AHI1: variants seen among roughly 807,000 people sequenced by gnomAD.
AHI1 encodes jouberin.
In AHI1, 123 loss-of-function variants were observed where a neutral mutation model predicts 149.3. The observed-to-expected ratio is 0.82, with a 90% CI of 0.71 to 0.96. AHI1 has a LOEUF of 0.96. Ranked by LOEUF, AHI1 falls within the 40% of genes least tolerant of loss-of-function variation. AHI1 has a pLI of 0.00. For missense variants in AHI1, 1,439 were observed against 1,422.7 expected (o/e 1.01, Z -0.18); for synonymous variants, 475 against 459.8 (o/e 1.03, Z -0.42).
intron 23 of AHI1, among the ~76,000 whole-genome samples, chr6:135,364,284 T>C (rs1794525798): frequency 1.4e-5 from 2 of 145,712 alleles, no homozygotes; most frequent in African/African-American, 2.6e-5. Context: ...TCCCCACATC[T>C]CAGACGATGG....
intron 24 of AHI1, among the ~76,000 whole-genome samples, chr6:135,348,099 G>A (rs1394065001): frequency 6.6e-6 from 1 of 152,118 alleles, no homozygotes; most frequent in East Asian, 1.9e-4. Context: ...TCTCACTGCT[G>A]GGGACACTGA....
intron 21 of AHI1, among the ~76,000 whole-genome samples, chr6:135,407,828 C>T (rs935451943): frequency 3.3e-5 from 5 of 151,758 alleles, no homozygotes; most frequent in Admixed American, 1.3e-4. Context: ...CTGGCTAACA[C>T]GGTGAAACCC....
chr6:135,475,534 A>G (rs1177476579), intron 5 of AHI1, among the ~76,000 whole-genome samples: 2 of 152,160 alleles, frequency 1.3e-5, no homozygotes, highest in Non-Finnish European at 2.9e-5. Context: ...GGGGGTTTGG[A>G]GTCTGAGCAG....
At chr6:135,327,585 T>C (rs2128392089) in intron 24 of AHI1, among the ~76,000 whole-genome samples, 1 of 152,324 alleles carries the variant, frequency 6.6e-6, no homozygotes, top group Non-Finnish European at 1.5e-5. Flanking sequence ...TTTGGTTTAA[T>C]GGTGGGTATG....
chr6:135,445,974 T>C (rs111417595), intron 13 of AHI1, among the ~76,000 whole-genome samples: 1,786 of 152,012 alleles, frequency 0.012, 41 homozygotes, highest in African/African-American at 0.041. Context: ...AAGAATGGCA[T>C]GAACCCGGGA....
chr6:135,302,677 G>T (rs1016587045), intron 26 of AHI1: 2 of 1,194,242 alleles, frequency 1.7e-6, no homozygotes, highest in East Asian at 6.2e-5. Flanking sequence ...TACTTAACTA[G>T]GACCAATATT....
chr6:135,394,630 A>G (rs997482573), intron 23 of AHI1, 146 bp downstream of exon 23: 9 of 1,159,012 alleles, frequency 7.8e-6, no homozygotes, highest in Non-Finnish European at 1.1e-5. Context: ...TGGTGATTTT[A>G]AGGACAAAAG....
chr6:135,479,288 A>T (rs973912349), intron 5 of AHI1, among the ~76,000 whole-genome samples: 1 of 152,196 alleles, frequency 6.6e-6, no homozygotes, highest in Non-Finnish European at 1.5e-5. Flanking sequence ...CACCCAGAAA[A>T]GCCACAGGCA....
intron 27 of AHI1, among the ~76,000 whole-genome samples, chr6:135,294,735 AAAT>A (rs1782866784): frequency 6.6e-6 from 1 of 151,254 alleles, no homozygotes; most frequent in African/African-American, 2.4e-5. Context: ...AAAAAAAAGA[AAAT>A]AAACTCTGAT....
At chr6:135,494,604 T>C (rs1471217901) in intron 3 of AHI1, among the ~76,000 whole-genome samples, 1 of 152,218 alleles carries the variant, frequency 6.6e-6, no homozygotes, top group Non-Finnish European at 1.5e-5. Context: ...TGGCAAGCCC[T>C]TCAAAAACAA....
At chr6:135,468,361 C>T (rs1334047780) in intron 5 of AHI1, among the ~76,000 whole-genome samples, 1 of 151,840 alleles carries the variant, frequency 6.6e-6, no homozygotes, top group East Asian at 1.9e-4. Flanking sequence ...CAAGAAATAA[C>T]CAAGATCAGA....
At chr6:135,444,820 T>C (rs1786907269) in intron 13 of AHI1, among the ~76,000 whole-genome samples, 1 of 152,236 alleles carries the variant, frequency 6.6e-6, no homozygotes, top group Non-Finnish European at 1.5e-5. Context: ...TAGTACATAC[T>C]TGTAAGAGAA....
intron 12 of AHI1, among the ~76,000 whole-genome samples, chr6:135,447,586 T>C (rs1195297637): frequency 1.3e-5 from 2 of 152,182 alleles, no homozygotes; most frequent in African/African-American, 2.4e-5. Context: ...TCCAAACCAA[T>C]GCAAATCAGC....
At chr6:135,348,988 A>G (rs1791664465) in intron 24 of AHI1, among the ~76,000 whole-genome samples, 1 of 152,190 alleles carries the variant, frequency 6.6e-6, no homozygotes, top group South Asian at 2.1e-4. Context: ...TTGTCTCAAC[A>G]ACATATCTTT....
At chr6:135,423,157 A>G (rs1783451648) in intron 20 of AHI1, among the ~76,000 whole-genome samples, 1 of 152,274 alleles carries the variant, frequency 6.6e-6, no homozygotes, top group East Asian at 1.9e-4. Flanking sequence ...ATGAGATAAT[A>G]TATGTAAAAT....
intron 27 of AHI1, among the ~76,000 whole-genome samples, chr6:135,295,556 C>A (rs1208535756): frequency 6.6e-6 from 1 of 152,144 alleles, no homozygotes; most frequent in Non-Finnish European, 1.5e-5. Flanking sequence ...AAAACTTGTA[C>A]ATAAATGTTG....
chr6:135,326,681 C>T (rs1474372250), intron 24 of AHI1, among the ~76,000 whole-genome samples: 1 of 152,120 alleles, frequency 6.6e-6, no homozygotes, highest in African/African-American at 2.4e-5. Flanking sequence ...CTGCCTTGGC[C>T]TCCTGAGTAG....
chr6:135,483,857 T>C (rs1364586406), intron 5 of AHI1, among the ~76,000 whole-genome samples: 3 of 152,188 alleles, frequency 2.0e-5, no homozygotes, highest in South Asian at 2.1e-4. Context: ...TGTTCAAATT[T>C]AGTGAACTTT....
chr6:135,438,472 T>A lies in AHI1; in HGVS notation c.1939A>T (p.Met647Leu), dbSNP rs1333577695. 6 of 1,549,758 alleles carry A rather than the reference T, an allele frequency of 3.9e-6. No homozygotes were observed. The African/African-American group carries it at 6.8e-5, about 18-fold the overall frequency. The part of the protein sequence containing the change: ...ILYEIPSGRF[M>L]RELCGHLNII... Reference sequence around the variant, plus strand: ...TTGAGGTGGCCACACAATTCTCTCATGAAACGTCCAGAAGGAATTTCATAT... The same window carrying A: ...TTGAGGTGGCCACACAATTCTCTCAAGAAACGTCCAGAAGGAATTTCATAT... The change falls in exon 15 of 29, where the codon ATG (methionine) becomes TTG (leucine). Residue 647 changes from methionine to leucine, a missense_variant. By Grantham distance (15) the Met-to-Leu change is conservative. Transcript: ENST00000265602.
Sources: allele counts gnomAD v4.1 joint callset (sites outside exome capture counted in the v4.1 genomes callset), GRCh38; gene constraint gnomAD v4.1.1; transcripts MANE v1.5; gene names NCBI Gene and HGNC (gene_info 2026-07-23, HGNC 2026-07-21).